The following RALGAPA1 variants were observed in gnomAD, a reference collection of about 807,000 sequenced individuals.
RALGAPA1 encodes ral GTPase-activating protein subunit alpha-1.
A neutral mutation model predicts 269.6 loss-of-function variants in RALGAPA1; 52 were observed. That is an observed-to-expected ratio of 0.19 (90% CI 0.15 to 0.24). The LOEUF is 0.24. Ranked by LOEUF, RALGAPA1 falls within the 10% of genes least tolerant of loss-of-function variation. RALGAPA1 has a pLI of 1.00. For missense variants in RALGAPA1, 1,917 were observed against 3,013.9 expected, an observed-to-expected ratio of 0.64 and a Z score of 8.52; for synonymous variants, 817 against 1,008.3, an observed-to-expected ratio of 0.81 and a Z score of 3.60.
chr14:35,553,028 T>C (rs540675564), intron 39 of RALGAPA1, among the ~76,000 whole-genome samples: 2 of 152,320 alleles, frequency 1.3e-5, no homozygotes, highest in East Asian at 3.9e-4. Flanking sequence ...TTCTGTGCCA[T>C]AATTTATCTG....
intron 16 of RALGAPA1, among the ~76,000 whole-genome samples, chr14:35,708,486 A>G (rs979695787): frequency 2.6e-5 from 4 of 152,206 alleles, no homozygotes; most frequent in African/African-American, 9.6e-5. Flanking sequence ...AATGACAAAC[A>G]GGTATGCGAA....
intron 3 of RALGAPA1, 94 bp downstream of exon 3, chr14:35,774,912 G>C (rs1167157677): frequency 9.1e-6 from 7 of 766,190 alleles, no homozygotes; most frequent in Non-Finnish European, 1.3e-5. Flanking sequence ...AATTCAGAGT[G>C]TTTCATTACA....
intron 41 of RALGAPA1, among the ~76,000 whole-genome samples, chr14:35,541,064 T>TTTTTTTTTTTTTTTTTTTTTTAA: frequency 6.9e-6 from 1 of 145,848 alleles, no homozygotes; most frequent in East Asian, 2.0e-4. Flanking sequence ...TTTTTTTTTT[T>TTTTTTTTTTTTTTTTTTTTTTAA]GAGACGGAGT....
intron 26 of RALGAPA1, among the ~76,000 whole-genome samples, chr14:35,666,874 T>C (rs929767323): frequency 6.6e-6 from 1 of 152,150 alleles, no homozygotes; most frequent in African/African-American, 2.4e-5. Flanking sequence ...TGAACAGTAA[T>C]AGTTTTCACA....
intron 39 of RALGAPA1, among the ~76,000 whole-genome samples, chr14:35,549,577 G>A (rs2054782810): frequency 6.6e-6 from 1 of 152,048 alleles, no homozygotes; most frequent in Non-Finnish European, 1.5e-5. Flanking sequence ...ATTTATATCG[G>A]CCTAGGCTCA....
intron 35 of RALGAPA1, among the ~76,000 whole-genome samples, chr14:35,609,087 G>T (rs147192718): frequency 1.3e-5 from 2 of 151,918 alleles, no homozygotes; most frequent in Non-Finnish European, 2.9e-5. Context: ...TTAGCCAGGC[G>T]TCGGTGGGGG....
At chr14:35,556,146 T>G (rs963506016) in intron 39 of RALGAPA1, among the ~76,000 whole-genome samples, 10 of 152,110 alleles carry the variant, frequency 6.6e-5, no homozygotes, top group Admixed American at 4.6e-4. Context: ...CACAGGGTCT[T>G]GAAAAAAGAA....
At chr14:35,650,766 T>C (rs1443440415) in intron 31 of RALGAPA1, among the ~76,000 whole-genome samples, 1 of 152,126 alleles carries the variant, frequency 6.6e-6, no homozygotes, top group Non-Finnish European at 1.5e-5. Context: ...AGAATAGAAC[T>C]CAAGATTGAG....
intron 22 of RALGAPA1, chr14:35,677,564 G>C (rs1406934339): frequency 6.4e-6 from 1 of 156,390 alleles, no homozygotes; most frequent in African/African-American, 2.4e-5. Context: ...TTCACTGAAA[G>C]CTTGATTAAC....
intron 16 of RALGAPA1, among the ~76,000 whole-genome samples, chr14:35,706,230 A>G (rs1033461154): frequency 5.3e-5 from 8 of 152,106 alleles, no homozygotes; most frequent in African/African-American, 1.9e-4. Context: ...GGTGTCCTAG[A>G]CTTTCTCCTA....
At chr14:35,571,541 G>A (rs964392638) in intron 38 of RALGAPA1, among the ~76,000 whole-genome samples, 16 of 152,002 alleles carry the variant, frequency 1.1e-4, no homozygotes, top group African/African-American at 2.9e-4. Context: ...TGGGCATGGC[G>A]GCAGGCACCT....
chr14:35,597,289 T>C (rs964966235), intron 36 of RALGAPA1, among the ~76,000 whole-genome samples: 4 of 152,198 alleles, frequency 2.6e-5, no homozygotes, highest in Admixed American at 2.6e-4. Flanking sequence ...GTTTCCCTCA[T>C]AGCCTTTGAA....
chr14:35,728,306 C>G, intron 13 of RALGAPA1, 56 bp downstream of exon 13: 1 of 1,369,834 alleles, frequency 7.3e-7, no homozygotes, highest in Non-Finnish European at 9.5e-7. Flanking sequence ...CTAAAAATTA[C>G]TATACCTGTG....
At position 35,659,206 on chromosome 14, in the gene RALGAPA1, G is replaced by A. The variant is rs1471902050; in HGVS notation, c.5329-10C>T. 3.6e-5 allele frequency: 58 copies of A among 1,600,636 alleles called. No homozygotes were observed. The highest frequency in any genetic ancestry group is 4.9e-5 in the Non-Finnish European group (57 of 1,171,474). On this transcript the variant is annotated splice_polypyrimidine_tract_variant and intron_variant, in intron 27 of 41. Transcript: ENST00000680220. ...TTTTGATTATAAGTTCCTAAAATAA[G>A]GGGGAAATAGTTAACGGCAATGACT...
chr14:35,653,497 T>C (rs1333951266), intron 30 of RALGAPA1, among the ~76,000 whole-genome samples: 1 of 152,184 alleles, frequency 6.6e-6, no homozygotes, highest in African/African-American at 2.4e-5. Context: ...GTTTAAGTGA[T>C]GACAAGCAGA....
At chr14:35,592,640 AAAGATT>A (rs2058707300) in intron 37 of RALGAPA1, among the ~76,000 whole-genome samples, 1 of 152,206 alleles carries the variant, frequency 6.6e-6, no homozygotes, top group Admixed American at 6.5e-5. Context: ...AACATATCAA[AAAGATT>A]ATACACCCAG....
At chr14:35,590,168 C>T (rs1003465515) in intron 37 of RALGAPA1, among the ~76,000 whole-genome samples, 6 of 152,106 alleles carry the variant, frequency 3.9e-5, no homozygotes, top group Non-Finnish European at 8.8e-5. Context: ...TTATCTTGTA[C>T]TTCTAAAAAG....
chr14:35,545,121 A>G (rs1298571586), intron 41 of RALGAPA1, among the ~76,000 whole-genome samples: 1 of 152,218 alleles, frequency 6.6e-6, no homozygotes, highest in Non-Finnish European at 1.5e-5. Flanking sequence ...GTTGGCACTT[A>G]CTAATATTTA....
chr14:35,584,558 C>G (rs144283782), intron 37 of RALGAPA1, among the ~76,000 whole-genome samples: 1 of 152,250 alleles, frequency 6.6e-6, no homozygotes, highest in Non-Finnish European at 1.5e-5. Flanking sequence ...AGCCACTGCA[C>G]CCGGTTGGTA....
Sources: gnomAD v4.1 joint callset for allele counts (sites outside exome capture counted in the v4.1 genomes callset) on GRCh38, gnomAD v4.1.1 for gene constraint, MANE v1.5 for transcripts, NCBI Gene and HGNC (gene_info 2026-07-23, HGNC 2026-07-21) for gene names.